The following DYNC2H1 variants were observed in gnomAD, a reference collection of about 807,000 sequenced individuals.
DYNC2H1 encodes the protein dynein cytoplasmic 2 heavy chain 1.
Under a neutral mutation model 570.0 loss-of-function variants are expected in DYNC2H1, and 410 were observed. That is an observed-to-expected ratio of 0.72 (90% confidence interval 0.66 to 0.78). The LOEUF is 0.78. DYNC2H1 is among the 30% of genes least tolerant of loss of function. The pLI is 0.00. For missense variants in DYNC2H1, 4,865 were observed against 5,046.4 expected (o/e 0.96, Z 1.09); for synonymous variants, 1,688 against 1,677.6 (o/e 1.01, Z -0.15).
chr11:103,411,534 C>T (rs1378962380), intron 84 of DYNC2H1, among the ~76,000 whole-genome samples: 1 of 144,772 alleles, frequency 6.9e-6, no homozygotes, highest in African/African-American at 2.6e-5. Context: ...GTGGCATAAA[C>T]ACTTGAAAAA....
At chr11:103,352,567 G>A (rs1313223098) in intron 82 of DYNC2H1, among the ~76,000 whole-genome samples, 1 of 152,100 alleles carries the variant, frequency 6.6e-6, no homozygotes, top group Non-Finnish European at 1.5e-5. Flanking sequence ...CAATTACATT[G>A]TTGTCAGATA....
intron 85 of DYNC2H1, among the ~76,000 whole-genome samples, chr11:103,440,479 C>A (rs1004589871): frequency 2.0e-5 from 3 of 152,144 alleles, no homozygotes; most frequent in Non-Finnish European, 4.4e-5. Flanking sequence ...ACTACCAAAT[C>A]CTGCCACCCT....
chr11:103,189,688 C>A lies in DYNC2H1; in HGVS notation c.7309C>A (p.Gln2437Lys). 2 of 1,612,564 alleles carry A rather than the reference C, an allele frequency of 1.2e-6. No homozygotes were observed. The highest frequency in any genetic ancestry group is 1.7e-6 in the Non-Finnish European group (2 of 1,179,222). The change falls in exon 45 of 89, where the codon CAG becomes AAG. Residue 2437 changes from glutamine (Q) to lysine (K), a missense_variant. Transcript: ENST00000375735. This position sits in a 1 kb window ranked among gnomAD's most constrained non-coding sequence, Gnocchi z 4.3. ...TTTTTTTAGTTACCCAGAAAGAGAG[C>A]AGTTACAAACGATTTATGGAGCATA... ...LCSIDYPERE[Q>K]LQTIYGAYLE... is the part of the protein sequence containing the mutation.
chr11:103,362,033 G>A (rs2671330), intron 83 of DYNC2H1, among the ~76,000 whole-genome samples: 83,384 of 150,528 alleles, frequency 0.55, 24,667 homozygotes, highest in Admixed American at 0.66. Context: ...ATGAGGAGCT[G>A]GAGTCAATGT....
At chr11:103,174,611 G>A (rs1861719596) in intron 36 of DYNC2H1, among the ~76,000 whole-genome samples, 1 of 152,076 alleles carries the variant, frequency 6.6e-6, no homozygotes, top group Non-Finnish European at 1.5e-5. Flanking sequence ...CTTGAAACAA[G>A]AACAGAAACC....
chr11:103,412,432 A>G (rs759869563), intron 84 of DYNC2H1, among the ~76,000 whole-genome samples: 2 of 152,110 alleles, frequency 1.3e-5, no homozygotes, highest in Non-Finnish European at 2.9e-5. Flanking sequence ...ACTTTAAAAC[A>G]TAATTTAAAA....
chr11:103,476,389 ATGTG>A (rs1035724606), intron 88 of DYNC2H1, among the ~76,000 whole-genome samples: 1 of 151,930 alleles, frequency 6.6e-6, no homozygotes, highest in Non-Finnish European at 1.5e-5. Flanking sequence ...GATATTTGAT[ATGTG>A]TGTATTTTGT....
Position 103,143,225 on chromosome 11 carries a change from G to T in DYNC2H1, c.2575-43G>T, listed in dbSNP as rs2514006. ...CTATTCTATTATATGTTAACATATT[G>T]GTTCTGTGTCTTTAATAATACATTT... is the stretch of plus-strand genomic sequence containing the variant. On this transcript the variant is annotated intron_variant, in intron 17 of 88. Transcript: ENST00000375735. 0.73 allele frequency: 1,150,282 copies of T among 1,586,534 alleles called. 419,729 individuals carry two copies. The highest frequency in any genetic ancestry group is 0.8 in the Admixed American group (46,561 of 58,538).
chr11:103,333,268 TTTC>T (rs1938920731), intron 82 of DYNC2H1, among the ~76,000 whole-genome samples: 1 of 152,290 alleles, frequency 6.6e-6, no homozygotes, highest in East Asian at 1.9e-4. Context: ...GTGTTGTTTG[TTTC>T]TTTGTTTTTT....
chr11:103,455,152 G>A (rs773194305), intron 85 of DYNC2H1, 34 bp from the exon 86 acceptor site: 55 of 1,487,538 alleles, frequency 3.7e-5, no homozygotes, highest in Non-Finnish European at 5.0e-5. Context: ...ATAAGTGTGT[G>A]TGTATTTATA....
intron 63 of DYNC2H1, among the ~76,000 whole-genome samples, chr11:103,236,921 G>A (rs764906044): frequency 6.6e-6 from 1 of 151,766 alleles, no homozygotes; most frequent in Non-Finnish European, 1.5e-5. Flanking sequence ...AACAAAATTA[G>A]CAAAAAGTGA....
intron 83 of DYNC2H1, among the ~76,000 whole-genome samples, chr11:103,377,943 G>GC (rs11423944): frequency 0.67 from 102,394 of 151,986 alleles, 34,582 homozygotes; most frequent in Admixed American, 0.73. Flanking sequence ...CACCATGTTG[G>GC]CCAGCTGGTC....
chr11:103,110,445 T>A (rs1480541591), intron 1 of DYNC2H1, among the ~76,000 whole-genome samples: 1 of 152,180 alleles, frequency 6.6e-6, no homozygotes, highest in Admixed American at 6.5e-5. Context: ...AGTCTATCTT[T>A]TTTGGATCAG....
At position 103,272,470 on chromosome 11, in the gene DYNC2H1, G is replaced by A. The variant is rs576864182; in HGVS notation, c.10696-7878G>A. Among the ~76,000 whole-genome samples the A allele has an allele frequency of 1.5e-3, 229 of 152,232 alleles. 1 individual carries two copies. Among genetic ancestry groups the A allele is most frequent in the Non-Finnish European group, 2.6e-3 (175 of 68,024 alleles). On this transcript the variant is annotated intron_variant, in intron 70 of 88. Coordinates refer to ENST00000375735, the MANE Select transcript of DYNC2H1 (RefSeq NM_001377.3). ...GATAGCATCAGGAGATATACCTAATGTAAATGACGAGTTAATGGGTGCAGC... is the reference window on the plus strand; with the variant it reads ...GATAGCATCAGGAGATATACCTAATATAAATGACGAGTTAATGGGTGCAGC...
rs1433227884 is a variant in DYNC2H1 at position 103,120,364 on chromosome 11, T to G, written c.1000-83T>G. The G allele has an allele frequency of 1.2e-5, 15 of 1,257,406 alleles. No homozygotes were observed. In the African/African-American group the frequency reaches 2.0e-4, roughly 16 times the overall value. The allele number at this position is 1,257,406 out of a possible 1,614,324, so 77.9% of individuals were successfully genotyped here. ...AGTAAACCTAATTTAAAGAAATTCT[T>G]GCCCAATATATCTAGATTTTAGACC... On this transcript the variant is annotated intron_variant, in intron 6 of 88. Coordinates refer to ENST00000375735, the MANE Select transcript of DYNC2H1 (RefSeq NM_001377.3).
rs1865970993 is a variant in DYNC2H1, at chr11:103,277,774, T to TAC, written c.10696-2574_10696-2573insAC. ...GTTTAGGGACTCCCTGTCAGTCCATTGTTAAAATTTATGCCTTAAGTCTGT... is the reference window on the plus strand; with the variant it reads ...GTTTAGGGACTCCCTGTCAGTCCATTACGTTAAAATTTATGCCTTAAGTCTGT... On this transcript the variant is annotated intron_variant, in intron 70 of 88. Coordinates refer to ENST00000375735, the MANE Select transcript of DYNC2H1 (RefSeq NM_001377.3). The surrounding 1 kb of genome is among the most constrained non-coding windows in gnomAD (Gnocchi z 4.3). Among the ~76,000 whole-genome samples the TAC allele has an allele frequency of 6.6e-6, 1 of 152,176 alleles. No individual in the cohort carries two copies. Among genetic ancestry groups the TAC allele is most frequent in the South Asian group, 2.1e-4 (1 of 4,826 alleles).
chr11:103,121,674 A>G (rs1858720241), intron 10 of DYNC2H1, among the ~76,000 whole-genome samples, 178 bp downstream of exon 10: 1 of 152,186 alleles, frequency 6.6e-6, no homozygotes, highest in Admixed American at 6.5e-5. Context: ...TAATGGTTCT[A>G]TTCCTTCTTT....
rs747544115 is a variant in DYNC2H1, at chr11:103,241,528, T to A, written c.9820-2165T>A. The A allele has an allele frequency of 2.5e-6, 4 of 1,593,476 alleles. No homozygotes were observed. The East Asian group carries it at 9.0e-5, about 36-fold the overall frequency. On this transcript the variant is annotated intron_variant, in intron 63 of 88. Coordinates refer to ENST00000375735, the MANE Select transcript of DYNC2H1 (RefSeq NM_001377.3). The surrounding 1 kb of genome is among the most constrained non-coding windows in gnomAD (Gnocchi z 5.1). ...CTTCTTTTCATTTAACTGCATCAGA[T>A]CATTGGTTTGAAATCATGGGTAAGA... is the stretch of plus-strand genomic sequence containing the variant.
At chr11:103,417,035 A>C (rs888425987) in intron 84 of DYNC2H1, among the ~76,000 whole-genome samples, 1 of 152,228 alleles carries the variant, frequency 6.6e-6, no homozygotes, top group Non-Finnish European at 1.5e-5. Context: ...AAAGCTCATC[A>C]TCACTGGTCA....
Sources: gnomAD v4.1 joint callset for allele counts (sites outside exome capture counted in the v4.1 genomes callset) on GRCh38, gnomAD v4.1.1 for gene constraint, Gnocchi (gnomAD v3.1) non-coding constraint, MANE v1.5 for transcripts, NCBI Gene and HGNC (gene_info 2026-07-23, HGNC 2026-07-21) for gene names.